Variants in PRKCA observed in about 807,000 individuals in gnomAD.
The protein encoded by PRKCA is protein kinase C alpha type.
In PRKCA, 27 loss-of-function variants were observed where a neutral mutation model predicts 87.0. The ratio of observed to expected loss-of-function variants is 0.31; its 90% CI spans 0.23 to 0.43. PRKCA has a LOEUF of 0.43. PRKCA is among the 20% of genes least tolerant of loss of function. The pLI is 1.00. For missense variants in PRKCA, 518 were observed against 852.3 expected (o/e 0.61, Z 4.88); for synonymous variants, 329 against 311.1 (o/e 1.06, Z -0.61).
At chr17:66,796,562 C>T (rs558774876) in intron 16 of PRKCA, 15 of 985,316 alleles carry the variant, frequency 1.5e-5, no homozygotes, top group Admixed American at 1.2e-4. Flanking sequence ...AACCCTTAAC[C>T]GTGTGCCCCT....
chr17:66,705,825 C>G (rs1165336561), intron 8 of PRKCA, among the ~76,000 whole-genome samples: 1 of 152,110 alleles, frequency 6.6e-6, no homozygotes, highest in African/African-American at 2.4e-5. Flanking sequence ...CTATCTCAAG[C>G]ACCTAAGAGG....
At chr17:66,550,952 A>G (rs867456607) in intron 3 of PRKCA, among the ~76,000 whole-genome samples, 3 of 152,236 alleles carry the variant, frequency 2.0e-5, no homozygotes, top group African/African-American at 2.4e-5. Flanking sequence ...TTTAAAGCCT[A>G]TATAACATGA....
rs2144234212 is a variant in PRKCA, at chr17:66,741,719, T to C, written c.1383T>C (p.Tyr461=). The C allele has an allele frequency of 6.2e-7, 1 of 1,614,120 alleles. No homozygotes were observed. The highest frequency in any genetic ancestry group is 8.5e-7 in the Non-Finnish European group (1 of 1,179,994). ...LFFLHKRGII[Y]RDLKLDNVML... is the part of the protein sequence containing the mutation. Reference sequence around the variant, plus strand: ...TTCTTCATAAAAGAGGAATCATTTATAGGTGTGTATTGAAGCCCTCCTACC... The same window carrying C: ...TTCTTCATAAAAGAGGAATCATTTACAGGTGTGTATTGAAGCCCTCCTACC... The change falls in exon 12 of 17, where the codon TAT becomes TAC. Residue 461 remains tyrosine, a splice_region_variant and synonymous_variant. Coordinates refer to ENST00000413366, the MANE Select transcript of PRKCA (RefSeq NM_002737.3).
At chr17:66,790,664 T>G (rs1975512888) in intron 16 of PRKCA, among the ~76,000 whole-genome samples, 1 of 152,160 alleles carries the variant, frequency 6.6e-6, no homozygotes, top group African/African-American at 2.4e-5. Flanking sequence ...GCCTTGAGGG[T>G]TGGGCAAAAT....
chr17:66,763,500 A>G (rs1048233016), intron 13 of PRKCA, among the ~76,000 whole-genome samples: 2 of 152,176 alleles, frequency 1.3e-5, no homozygotes, highest in African/African-American at 2.4e-5. Context: ...TGCTTTGACC[A>G]TGTTACATGT....
At chr17:66,700,924 T>C (rs1217220048) in intron 8 of PRKCA, among the ~76,000 whole-genome samples, 2 of 152,180 alleles carry the variant, frequency 1.3e-5, no homozygotes, top group Non-Finnish European at 2.9e-5. Context: ...ATTATTAGTA[T>C]AATTTGTTTC....
intron 16 of PRKCA, chr17:66,796,771 G>T: frequency 1.0e-6 from 1 of 985,370 alleles, no homozygotes; most frequent in Non-Finnish European, 1.2e-6. Context: ...AAGTCAGAGA[G>T]CTGTGCAGAT....
intron 3 of PRKCA, among the ~76,000 whole-genome samples, chr17:66,639,902 G>A (rs1971244973): frequency 6.6e-6 from 1 of 152,112 alleles, no homozygotes; most frequent in South Asian, 2.1e-4. Flanking sequence ...GGCTGAGACA[G>A]GAGAATCGCT....
chr17:66,788,173 C>G (rs2144382719), intron 15 of PRKCA, among the ~76,000 whole-genome samples: 1 of 152,296 alleles, frequency 6.6e-6, no homozygotes, highest in East Asian at 1.9e-4. Flanking sequence ...ATACCCTTAA[C>G]AGTATCTGGT....
chr17:66,776,164 G>A (rs931396726), intron 14 of PRKCA, among the ~76,000 whole-genome samples: 16 of 152,336 alleles, frequency 1.1e-4, no homozygotes, highest in African/African-American at 3.6e-4. Context: ...GAGGCCTGAG[G>A]CCAGAGAGGA....
At chr17:66,761,331 C>T (rs1350481994) in intron 13 of PRKCA, among the ~76,000 whole-genome samples, 1 of 149,356 alleles carries the variant, frequency 6.7e-6, no homozygotes, top group African/African-American at 2.5e-5. Context: ...GATCACGCCA[C>T]TGCACTCCAG....
chr17:66,329,385 G>C (rs1906188307), intron 2 of PRKCA, among the ~76,000 whole-genome samples: 1 of 152,192 alleles, frequency 6.6e-6, no homozygotes, highest in Admixed American at 6.5e-5. Flanking sequence ...AGAGGGTGAT[G>C]CCGGGAAGGC....
chr17:66,344,122 A>AT (rs1224942842), intron 2 of PRKCA, among the ~76,000 whole-genome samples: 1 of 152,186 alleles, frequency 6.6e-6, no homozygotes, highest in African/African-American at 2.4e-5. Context: ...TCAATAAATA[A>AT]TTGTCATAGG....
At chr17:66,630,583 C>T (rs1970983745) in intron 3 of PRKCA, among the ~76,000 whole-genome samples, 1 of 152,206 alleles carries the variant, frequency 6.6e-6, no homozygotes, top group African/African-American at 2.4e-5. Flanking sequence ...CAAATAGCAG[C>T]TGTTCCTTCA....
At chr17:66,780,041 C>T (rs1398798520) in intron 14 of PRKCA, among the ~76,000 whole-genome samples, 1 of 152,192 alleles carries the variant, frequency 6.6e-6, no homozygotes, top group African/African-American at 2.4e-5. Context: ...CGAGTGATTA[C>T]CTGTCAGATG....
chr17:66,315,779 C>T (rs1012822308), intron 2 of PRKCA, among the ~76,000 whole-genome samples: 14 of 152,186 alleles, frequency 9.2e-5, no homozygotes, highest in African/African-American at 2.2e-4. Context: ...CACGTCCAGC[C>T]GGAAGTGTTT....
intron 8 of PRKCA, among the ~76,000 whole-genome samples, chr17:66,726,747 CAG>C (rs1729202151): frequency 1.3e-5 from 2 of 148,982 alleles, no homozygotes; most frequent in South Asian, 4.3e-4. Flanking sequence ...TTTTTCGAGA[CAG>C]GGTCTCACTC....
intron 2 of PRKCA, among the ~76,000 whole-genome samples, chr17:66,381,201 C>G (rs1567799817): frequency 6.6e-6 from 1 of 152,186 alleles, no homozygotes. Context: ...CTCGGCCTCC[C>G]AAAGTGCTGG....
intron 2 of PRKCA, among the ~76,000 whole-genome samples, chr17:66,309,793 T>A (rs908625852): frequency 6.6e-6 from 1 of 151,588 alleles, no homozygotes; most frequent in Non-Finnish European, 1.5e-5. Flanking sequence ...CCTTGCCCAC[T>A]TTTTTTTTCC....
Sources: allele counts gnomAD v4.1 joint callset (sites outside exome capture counted in the v4.1 genomes callset), GRCh38; gene constraint gnomAD v4.1.1; transcripts MANE v1.5; gene names NCBI Gene and HGNC (gene_info 2026-07-23, HGNC 2026-07-21).